WDR70: variants seen among roughly 807,000 people sequenced by gnomAD.
WDR70 encodes the protein WD repeat-containing protein 70.
Under a neutral mutation model 88.6 loss-of-function variants are expected in WDR70, and 53 were observed. The observed-to-expected ratio is 0.60, with a 90% CI of 0.48 to 0.75. WDR70 has a LOEUF of 0.75. Among genes scored for constraint, WDR70 ranks in the 30% least tolerant of loss-of-function variants. The probability of loss-of-function intolerance (pLI) is 0.00; values close to 1 mark genes in which losing one functional copy is unlikely to be tolerated. For missense variants in WDR70, 610 were observed against 823.2 expected (o/e 0.74, Z 3.17); for synonymous variants, 280 against 270.0 (o/e 1.04, Z -0.36).
At chr5:37,403,726 A>AT (rs879344106) in intron 5 of WDR70, among the ~76,000 whole-genome samples, 63 of 149,818 alleles carry the variant, frequency 4.2e-4, no homozygotes, top group East Asian at 1.9e-3. Context: ...AAAAAAATTA[A>AT]TTTTTTTTTT....
chr5:37,426,137 GCA>G (rs1461484173), intron 5 of WDR70, among the ~76,000 whole-genome samples: 1 of 152,184 alleles, frequency 6.6e-6, no homozygotes, highest in Non-Finnish European at 1.5e-5. Context: ...GGAAGATCCT[GCA>G]CAGGTGGCCA....
intron 17 of WDR70, among the ~76,000 whole-genome samples, chr5:37,746,643 C>CT (rs1224440077): frequency 1.3e-5 from 2 of 152,178 alleles, no homozygotes; most frequent in East Asian, 3.8e-4. Context: ...ATGAACACCT[C>CT]TGAGCAAATA....
chr5:37,396,634 C>G (rs1749022978), intron 5 of WDR70, 64 bp downstream of exon 5: 4 of 1,465,450 alleles, frequency 2.7e-6, no homozygotes, highest in Admixed American at 5.0e-5. Context: ...GAGATCAGTT[C>G]TGCTAAACTG....
At chr5:37,470,859 A>G (rs986861250) in intron 7 of WDR70, among the ~76,000 whole-genome samples, 4 of 150,900 alleles carry the variant, frequency 2.7e-5, no homozygotes, top group Admixed American at 6.6e-5. Flanking sequence ...TAGGTCATTG[A>G]TTATGCATAC....
At chr5:37,680,651 AG>A (rs1400924217) in intron 10 of WDR70, among the ~76,000 whole-genome samples, 1 of 152,242 alleles carries the variant, frequency 6.6e-6, no homozygotes, top group Admixed American at 6.5e-5. Context: ...TTTATTAAAT[AG>A]GGAATTCTTT....
At chr5:37,456,572 T>C (rs1738847511) in intron 7 of WDR70, among the ~76,000 whole-genome samples, 1 of 152,228 alleles carries the variant, frequency 6.6e-6, no homozygotes, top group South Asian at 2.1e-4. Context: ...ATATAATTTA[T>C]GTATTTGTGT....
chr5:37,402,943 C>CTT (rs1561838923), intron 5 of WDR70, among the ~76,000 whole-genome samples: 2 of 41,698 alleles, frequency 4.8e-5, no homozygotes, highest in African/African-American at 8.3e-5. Context: ...TCCCTCCCTC[C>CTT]GTTTTTTTTT....
intron 9 of WDR70, among the ~76,000 whole-genome samples, chr5:37,576,058 C>T (rs527997431): frequency 1.3e-5 from 2 of 150,334 alleles, no homozygotes; most frequent in African/African-American, 4.9e-5. Context: ...TTCCTTCCAA[C>T]TTCCTTCCTT....
intron 6 of WDR70, among the ~76,000 whole-genome samples, chr5:37,440,078 A>G (rs746030679): frequency 1.3e-5 from 2 of 152,164 alleles, no homozygotes; most frequent in Non-Finnish European, 2.9e-5. Context: ...CAGTTTGTTC[A>G]AATCAGTCTC....
At chr5:37,631,904 C>CT (rs1744829434) in intron 10 of WDR70, among the ~76,000 whole-genome samples, 2 of 152,068 alleles carry the variant, frequency 1.3e-5, no homozygotes, top group South Asian at 4.2e-4. Flanking sequence ...ACCAGCAGAG[C>CT]CGGGTGAGTG....
chr5:37,449,869 C>A (rs148602199), intron 7 of WDR70, among the ~76,000 whole-genome samples: 2 of 152,066 alleles, frequency 1.3e-5, no homozygotes, highest in Non-Finnish European at 2.9e-5. Context: ...ATCTACATAG[C>A]TATTTCTCCT....
chr5:37,564,105 C>T (rs928076945), intron 9 of WDR70, among the ~76,000 whole-genome samples: 1 of 150,442 alleles, frequency 6.6e-6, no homozygotes, highest in African/African-American at 2.4e-5. Context: ...AGAGACGCTC[C>T]TCACTTCCCA....
rs1561843479 is a variant in WDR70, at chr5:37,415,463, A to AC, written c.492+18893_492+18894insC. On this transcript the variant is annotated intron_variant, in intron 5 of 17. Coordinates refer to ENST00000265107, the MANE Select transcript of WDR70 (RefSeq NM_018034.4). ...GGGCGGCTGGCCGGGCCGGGGGCTG[A>AC]TCCCCCCACCTCCCTCCCGGAAGGG... Among the ~76,000 whole-genome samples, 5 of 69,626 alleles carry AC rather than the reference A, an allele frequency of 7.2e-5. 1 individual carries two copies. Among genetic ancestry groups the AC allele is most frequent in the Non-Finnish European group, 9.9e-5 (3 of 30,432 alleles). The allele number at this position is 69,626 out of a possible 152,430, so 45.7% of individuals were successfully genotyped here. A position where few individuals can be genotyped will look rare whatever the true frequency, so the allele number is the denominator to read the frequency against.
intron 5 of WDR70, among the ~76,000 whole-genome samples, chr5:37,407,059 A>G (rs975117515): frequency 6.6e-6 from 1 of 152,210 alleles, no homozygotes; most frequent in African/African-American, 2.4e-5. Flanking sequence ...AATAGGAATA[A>G]CAACAAATAA....
At chr5:37,399,635 T>C (rs1749136640) in intron 5 of WDR70, among the ~76,000 whole-genome samples, 1 of 152,216 alleles carries the variant, frequency 6.6e-6, no homozygotes, top group South Asian at 2.1e-4. Flanking sequence ...ACCATGTCTT[T>C]TGTTTTTTCT....
At chr5:37,721,055 C>A in intron 13 of WDR70, 60 bp from the exon 14 acceptor site, 2 of 1,426,664 alleles carry the variant, frequency 1.4e-6, no homozygotes, top group Non-Finnish European at 2.0e-6. Context: ...AAAGTACCAG[C>A]AGGATTGTTT....
At chr5:37,550,223 G>C (rs558981780) in intron 9 of WDR70, among the ~76,000 whole-genome samples, 3 of 152,118 alleles carry the variant, frequency 2.0e-5, no homozygotes, top group African/African-American at 7.2e-5. Flanking sequence ...ATGATCATAC[G>C]GTTTTAGTCC....
chr5:37,705,280 T>C (rs2112665108), intron 13 of WDR70, among the ~76,000 whole-genome samples: 2 of 152,182 alleles, frequency 1.3e-5, no homozygotes, highest in East Asian at 3.9e-4. Flanking sequence ...GAATAAAGGA[T>C]AGAAAAATGA....
At chr5:37,472,686 A>G (rs529422809) in intron 7 of WDR70, among the ~76,000 whole-genome samples, 1 of 151,994 alleles carries the variant, frequency 6.6e-6, no homozygotes, top group East Asian at 1.9e-4. Context: ...TTTAGTAGAG[A>G]TGGGGTTTTG....
Sources: gnomAD v4.1 joint callset for allele counts (sites outside exome capture counted in the v4.1 genomes callset) on GRCh38, gnomAD v4.1.1 for gene constraint, MANE v1.5 for transcripts, NCBI Gene and HGNC (gene_info 2026-07-23, HGNC 2026-07-21) for gene names.